The following NBEA variants were observed in gnomAD, a reference collection of about 807,000 sequenced individuals.
NBEA encodes lysosomal-trafficking regulator 2.
In NBEA, 44 loss-of-function variants were observed where a neutral mutation model predicts 343.4. The observed-to-expected ratio is 0.13, with a 90% CI of 0.10 to 0.16. The LOEUF is 0.16. Among genes scored for constraint, NBEA ranks in the 10% least tolerant of loss-of-function variants. NBEA has a pLI of 1.00. For synonymous variants in NBEA, 1,175 were observed against 1,238.7 expected, an observed-to-expected ratio of 0.95 and a Z score of 1.08; for missense variants, 2,555 against 3,631.3, an observed-to-expected ratio of 0.70 and a Z score of 7.62.
chr13:35,542,824 T>C (rs1038716207), intron 41 of NBEA, among the ~76,000 whole-genome samples: 2 of 152,088 alleles, frequency 1.3e-5, no homozygotes, highest in Non-Finnish European at 2.9e-5. Context: ...AGAGTAGTGA[T>C]TGATTACTAT....
Position 35,152,193 on chromosome 13 carries a change from A to G in NBEA, c.2446-3581A>G, listed in dbSNP as rs972944884. Reference sequence around the variant, plus strand: ...AACTAACCAATTTAAAGGAAAACATATATTTTTTAAATTAACTGTTTCTAT... The same window carrying G: ...AACTAACCAATTTAAAGGAAAACATGTATTTTTTAAATTAACTGTTTCTAT... On this transcript the variant is annotated intron_variant, in intron 18 of 58. Coordinates refer to ENST00000379939, the MANE Select transcript of NBEA (RefSeq NM_001385012.1). 2.6e-5 allele frequency among the ~76,000 whole-genome samples: 4 copies of G among 152,214 alleles called. No homozygotes were observed. In the South Asian group the frequency reaches 6.2e-4, roughly 24 times the overall value.
chr13:35,436,032 G>C (rs1182315154), intron 39 of NBEA, among the ~76,000 whole-genome samples: 3 of 150,386 alleles, frequency 2.0e-5, no homozygotes, highest in Admixed American at 2.0e-4. Flanking sequence ...AATCTGAAAA[G>C]CAATATAATA....
intron 40 of NBEA, among the ~76,000 whole-genome samples, chr13:35,465,911 T>G (rs2075368986): frequency 1.3e-5 from 2 of 152,154 alleles, no homozygotes; most frequent in Admixed American, 1.3e-4. Context: ...AGGTTAAAGT[T>G]AGAGCATATA....
chr13:35,303,371 T>C (rs1277968675), intron 35 of NBEA, among the ~76,000 whole-genome samples: 3 of 152,176 alleles, frequency 2.0e-5, no homozygotes, highest in African/African-American at 7.2e-5. Flanking sequence ...AGTAGATCAC[T>C]AGTTAATAAT....
intron 10 of NBEA, among the ~76,000 whole-genome samples, chr13:35,073,009 C>G (rs2063942773): frequency 6.6e-6 from 1 of 152,086 alleles, no homozygotes; most frequent in Non-Finnish European, 1.5e-5. Context: ...ATTTCAGTAT[C>G]CTAAATATCT....
At position 35,008,631 on chromosome 13, in the gene NBEA, A is replaced by G. The variant is rs375653540; in HGVS notation, c.295-32302A>G. On this transcript the variant is annotated intron_variant, in intron 1 of 58. Transcript: ENST00000379939. ...GTATTTACAATGTTGTATAATCATCATCTACTTAATTCTAGAATACTTCCA... is the reference window on the plus strand; with the variant it reads ...GTATTTACAATGTTGTATAATCATCGTCTACTTAATTCTAGAATACTTCCA... Among the ~76,000 whole-genome samples the G allele has an allele frequency of 1.4e-4, 22 of 152,270 alleles. No individual in the cohort carries two copies. The East Asian group carries it at 4.1e-3, about 28-fold the overall frequency.
chr13:34,989,337 G>T (rs1449929593), intron 1 of NBEA, among the ~76,000 whole-genome samples: 1 of 150,972 alleles, frequency 6.6e-6, no homozygotes, highest in African/African-American at 2.4e-5. Flanking sequence ...AATTTATGAA[G>T]AAAAGAGATT....
At position 35,565,739 on chromosome 13, in the gene NBEA, G is replaced by A. The variant is rs141943668; in HGVS notation, c.6923-1166G>A. Among the ~76,000 whole-genome samples, 136 of 152,144 alleles carry A rather than the reference G, an allele frequency of 8.9e-4. 1 individual carries two copies. The highest frequency in any genetic ancestry group is 3.0e-3 in the African/African-American group (124 of 41,512). ...CAGTTTCAGTTTATGAGGGGGGGCC[G>A]CAGCTTGCTCCCCTAAACTTTCCCC... is the stretch of plus-strand genomic sequence containing the variant. On this transcript the variant is annotated intron_variant, in intron 44 of 58. Transcript: ENST00000379939.
At chr13:35,646,008 C>A in intron 50 of NBEA, 77 bp downstream of exon 50, 1 of 942,438 alleles carries the variant, frequency 1.1e-6, no homozygotes, top group Non-Finnish European at 1.6e-6. Flanking sequence ...TTAGATTTTC[C>A]ACATTTAACC....
intron 34 of NBEA, among the ~76,000 whole-genome samples, chr13:35,282,428 T>A (rs539862343): frequency 6.6e-6 from 1 of 152,252 alleles, no homozygotes; most frequent in African/African-American, 2.4e-5. Context: ...GAACCAGACA[T>A]AGGTTAGTAA....
At chr13:35,518,761 C>CAATTATTGAT (rs1459892925) in intron 41 of NBEA, among the ~76,000 whole-genome samples, 1 of 151,870 alleles carries the variant, frequency 6.6e-6, no homozygotes, top group Non-Finnish European at 1.5e-5. Context: ...CACAAGATCC[C>CAATTATTGAT]AATTATTGAT....
chr13:35,472,682 C>T, intron 41 of NBEA, 146 bp downstream of exon 41: 1 of 789,366 alleles, frequency 1.3e-6, no homozygotes. Flanking sequence ...ATAGCATGTT[C>T]TCTTTATGGA....
chr13:35,660,448 T>A (rs1226100446), intron 55 of NBEA, among the ~76,000 whole-genome samples: 1 of 152,210 alleles, frequency 6.6e-6, no homozygotes, highest in Non-Finnish European at 1.5e-5. Flanking sequence ...TAACACATTG[T>A]TATTATGCTT....
At chr13:35,626,072 A>G (rs982454376) in intron 48 of NBEA, among the ~76,000 whole-genome samples, 11 of 152,210 alleles carry the variant, frequency 7.2e-5, no homozygotes, top group Non-Finnish European at 1.5e-4. Flanking sequence ...AGTTTTGTGC[A>G]GCCATGAGAA....
At chr13:35,180,338 A>G (rs2071224525) in intron 28 of NBEA, among the ~76,000 whole-genome samples, 1 of 151,784 alleles carries the variant, frequency 6.6e-6, no homozygotes, top group Non-Finnish European at 1.5e-5. Context: ...ACTCTAGTAT[A>G]TTAGAGGTCA....
intron 38 of NBEA, among the ~76,000 whole-genome samples, chr13:35,363,478 C>T (rs574469769): frequency 1.3e-5 from 2 of 151,870 alleles, no homozygotes; most frequent in East Asian, 3.9e-4. Context: ...CTACTTGAAC[C>T]CTGATTACTT....
At chr13:35,522,190 C>T (rs559790327) in intron 41 of NBEA, among the ~76,000 whole-genome samples, 1 of 152,052 alleles carries the variant, frequency 6.6e-6, no homozygotes, top group African/African-American at 2.4e-5. Flanking sequence ...GGCACGGTGG[C>T]TCATGCCTGT....
chr13:35,153,839 C>G (rs2068960544), intron 18 of NBEA, among the ~76,000 whole-genome samples: 1 of 152,064 alleles, frequency 6.6e-6, no homozygotes, highest in Non-Finnish European at 1.5e-5. Flanking sequence ...TATTTATAAC[C>G]ACAATTTTCT....
chr13:35,252,941 C>T (rs1039326434), intron 34 of NBEA, among the ~76,000 whole-genome samples: 8 of 152,066 alleles, frequency 5.3e-5, no homozygotes, highest in South Asian at 4.1e-4. Flanking sequence ...CTCTCTACTC[C>T]CCACCTTGGT....
Sources: gnomAD v4.1 joint callset for allele counts (sites outside exome capture counted in the v4.1 genomes callset) on GRCh38, gnomAD v4.1.1 for gene constraint, MANE v1.5 for transcripts, NCBI Gene and HGNC (gene_info 2026-07-23, HGNC 2026-07-21) for gene names.